DLG2: variants seen among roughly 807,000 people sequenced by gnomAD.
DLG2 encodes the protein disks large homolog 2.
DLG2 carries 45 observed loss-of-function variants against 132.5 expected under a neutral mutation model. That is an observed-to-expected ratio of 0.34 (90% CI 0.27 to 0.44). DLG2 has a LOEUF of 0.44. Ranked by LOEUF, DLG2 falls within the 20% of genes least tolerant of loss-of-function variation. The pLI is 1.00. For missense variants in DLG2, 1,045 were observed against 1,196.9 expected (o/e 0.87, Z 1.87); for synonymous variants, 424 against 419.6 (o/e 1.01, Z -0.13).
At chr11:85,603,329 G>C (rs2080294682) in intron 2 of DLG2, among the ~76,000 whole-genome samples, 1 of 152,050 alleles carries the variant, frequency 6.6e-6, no homozygotes. Context: ...AATATAAATA[G>C]TTACTTTACT....
intron 21 of DLG2, among the ~76,000 whole-genome samples, chr11:83,502,841 C>A (rs1392524168): frequency 6.6e-6 from 1 of 152,124 alleles, no homozygotes; most frequent in Non-Finnish European, 1.5e-5. Context: ...GATCCCCATT[C>A]TTTTTCTGTT....
At chr11:85,575,577 C>T (rs1306678318) in intron 3 of DLG2, among the ~76,000 whole-genome samples, 6 of 151,552 alleles carry the variant, frequency 4.0e-5, no homozygotes, top group African/African-American at 1.5e-4. Flanking sequence ...GAGTACATCA[C>T]AGTGTGCTCC....
chr11:85,602,374 TAC>T (rs1000352332), intron 2 of DLG2, among the ~76,000 whole-genome samples: 12 of 152,146 alleles, frequency 7.9e-5, no homozygotes, highest in Non-Finnish European at 1.3e-4. Context: ...TTTGCCCTCC[TAC>T]AGTCTTTTCT....
chr11:83,852,408 C>T (rs1470674409), intron 16 of DLG2, among the ~76,000 whole-genome samples: 2 of 152,102 alleles, frequency 1.3e-5, no homozygotes, highest in African/African-American at 4.8e-5. Flanking sequence ...GGGCAGAAAG[C>T]CTTATATTCA....
chr11:84,880,861 ATAAT>A (rs1161399860), intron 6 of DLG2, among the ~76,000 whole-genome samples: 2 of 152,158 alleles, frequency 1.3e-5, no homozygotes, highest in African/African-American at 2.4e-5. Context: ...GTACTGTGAA[ATAAT>A]TAATTAAGGA....
At chr11:83,788,618 A>G (rs891255239) in intron 17 of DLG2, among the ~76,000 whole-genome samples, 11 of 152,254 alleles carry the variant, frequency 7.2e-5, no homozygotes, top group Non-Finnish European at 1.5e-5. Flanking sequence ...GCTGGCCAGA[A>G]GAGACAGGAA....
intron 6 of DLG2, among the ~76,000 whole-genome samples, chr11:84,602,784 T>C (rs919204560): frequency 3.3e-5 from 5 of 152,002 alleles, no homozygotes; most frequent in African/African-American, 1.2e-4. Flanking sequence ...CTGCAGAAGA[T>C]CTTAAAAGTC....
Position 84,605,579 on chromosome 11 carries a change from C to T in DLG2, c.358-70848G>A, listed in dbSNP as rs147981561. ...TTATGAGGGACAATCTGTAATGCTA[C>T]GTAATCCTCTGCAAAAAAAAAAAAA... On this transcript the variant is annotated intron_variant, in intron 6 of 27. Coordinates refer to ENST00000376104, the MANE Select transcript of DLG2 (RefSeq NM_001142699.3). Among the ~76,000 whole-genome samples the T allele has an allele frequency of 4.8e-3, 695 of 145,626 alleles. 5 individuals carry two copies. The highest frequency in any genetic ancestry group is 0.017 in the African/African-American group (664 of 38,524).
intron 6 of DLG2, among the ~76,000 whole-genome samples, chr11:84,846,751 T>C (rs1370900346): frequency 6.6e-6 from 1 of 152,186 alleles, no homozygotes; most frequent in Non-Finnish European, 1.5e-5. Context: ...CAGAAGTTAC[T>C]TTATGCCAGT....
intron 6 of DLG2, among the ~76,000 whole-genome samples, chr11:84,818,107 A>G (rs73514943): frequency 0.018 from 2,774 of 152,114 alleles, 93 homozygotes; most frequent in African/African-American, 0.064. Context: ...ATATTTCTAT[A>G]CTATTTCATA....
chr11:83,874,352 AG>A, intron 16 of DLG2, 67 bp downstream of exon 16: 1 of 1,105,878 alleles, frequency 9.0e-7, no homozygotes, highest in Non-Finnish European at 1.3e-6. Context: ...AGACAGAGAC[AG>A]GGAGAGAAAG....
chr11:85,100,131 T>C (rs1275921823), intron 6 of DLG2, among the ~76,000 whole-genome samples: 1 of 152,146 alleles, frequency 6.6e-6, no homozygotes, highest in East Asian at 1.9e-4. Context: ...ACATCTAAAC[T>C]TCATACATTT....
intron 2 of DLG2, among the ~76,000 whole-genome samples, chr11:85,611,762 G>A (rs980067966): frequency 2.0e-5 from 3 of 152,228 alleles, no homozygotes; most frequent in African/African-American, 7.2e-5. Flanking sequence ...TAACCTCTGG[G>A]GGAACCCCCA....
intron 9 of DLG2, among the ~76,000 whole-genome samples, chr11:84,123,265 G>T (rs76488472): frequency 1.3e-5 from 2 of 152,166 alleles, no homozygotes; most frequent in African/African-American, 4.8e-5. Context: ...CATCTGTAAT[G>T]CACTTTGCAA....
chr11:84,810,877 G>A (rs1157160494), intron 6 of DLG2, among the ~76,000 whole-genome samples: 2 of 152,090 alleles, frequency 1.3e-5, no homozygotes, highest in Non-Finnish European at 2.9e-5. Context: ...TTAAAGTGAC[G>A]ATATTATAGA....
chr11:83,833,131 AACACCATTTAAACTGTG>A (rs2055044408), intron 17 of DLG2, among the ~76,000 whole-genome samples: 1 of 152,208 alleles, frequency 6.6e-6, no homozygotes, highest in Non-Finnish European at 1.5e-5. Flanking sequence ...CAAGGACCTG[AACACCATTTAAACTGTG>A]ACATGTAGAC....
intron 16 of DLG2, among the ~76,000 whole-genome samples, chr11:83,856,445 A>G (rs1019803245): frequency 5.3e-5 from 8 of 152,172 alleles, no homozygotes; most frequent in Non-Finnish European, 1.0e-4. Flanking sequence ...TTTCACTTCC[A>G]CCAACAGTGT....
chr11:85,017,741 C>T (rs1435727534), intron 6 of DLG2, among the ~76,000 whole-genome samples: 2 of 152,186 alleles, frequency 1.3e-5, no homozygotes, highest in East Asian at 3.9e-4. Flanking sequence ...AGTCAATACA[C>T]AACCTCCACC....
chr11:84,278,077 A>G (rs1479313984), intron 7 of DLG2, among the ~76,000 whole-genome samples: 4 of 126,036 alleles, frequency 3.2e-5, no homozygotes, highest in South Asian at 2.6e-4. Context: ...TTTTTGAGAC[A>G]GGGTCTCACT....
Sources: allele counts gnomAD v4.1 joint callset (sites outside exome capture counted in the v4.1 genomes callset), GRCh38; gene constraint gnomAD v4.1.1; transcripts MANE v1.5; gene names NCBI Gene and HGNC (gene_info 2026-07-23, HGNC 2026-07-21).